Variants in STXBP5L observed in about 807,000 individuals in gnomAD.
STXBP5L encodes syntaxin-binding protein 5-like.
A neutral mutation model predicts 144.5 loss-of-function variants in STXBP5L; 65 were observed. The ratio of observed to expected loss-of-function variants is 0.45; its 90% CI spans 0.37 to 0.55. The LOEUF (loss-of-function observed/expected upper bound fraction) is 0.55. Among genes scored for constraint, STXBP5L ranks in the 20% least tolerant of loss-of-function variants. The probability of loss-of-function intolerance (pLI) is 0.00; values close to 1 mark genes in which losing one functional copy is unlikely to be tolerated. For missense variants in STXBP5L, 1,298 were observed against 1,405.5 expected, an observed-to-expected ratio of 0.92 and a Z score of 1.22; for synonymous variants, 505 against 469.6, an observed-to-expected ratio of 1.08 and a Z score of -0.97.
At chr3:121,122,345 A>G (rs1439766698) in intron 7 of STXBP5L, among the ~76,000 whole-genome samples, 1 of 151,222 alleles carries the variant, frequency 6.6e-6, no homozygotes, top group Non-Finnish European at 1.5e-5. Context: ...CCCAAGGAAT[A>G]AAATTGGATC....
In STXBP5L at chr3:121,094,143, G is replaced by T. The variant is rs1032271603; in HGVS notation, c.471-20782G>T. On this transcript the variant is annotated intron_variant, in intron 5 of 26. Transcript: ENST00000471454. ...TGCACTGTGGTCTGAGAGACAGTTT[G>T]TTATAATTTCTGTTCTTTTACATTT... 9.2e-5 allele frequency among the ~76,000 whole-genome samples: 14 copies of T among 152,200 alleles called. No individual in the cohort carries two copies. The South Asian group carries it at 1.9e-3, about 20-fold the overall frequency.
intron 18 of STXBP5L, among the ~76,000 whole-genome samples, chr3:121,276,574 A>C (rs1247131747): frequency 2.6e-5 from 4 of 151,810 alleles, no homozygotes; most frequent in Admixed American, 1.3e-4. Context: ...GTTTTTTTGC[A>C]AAAATTCTTT....
intron 19 of STXBP5L, among the ~76,000 whole-genome samples, chr3:121,300,407 CTG>C (rs774139533): frequency 6.6e-6 from 1 of 152,086 alleles, no homozygotes; most frequent in Non-Finnish European, 1.5e-5. Flanking sequence ...TCCGTAAACT[CTG>C]TGTTACTCTT....
intron 5 of STXBP5L, among the ~76,000 whole-genome samples, chr3:121,071,083 G>T (rs186376531): frequency 5.3e-5 from 8 of 152,156 alleles, no homozygotes; most frequent in Admixed American, 2.6e-4. Flanking sequence ...TCTGGACCAG[G>T]CTTCTATCAT....
intron 20 of STXBP5L, among the ~76,000 whole-genome samples, chr3:121,326,349 G>C (rs376879172): frequency 6.6e-6 from 1 of 151,834 alleles, no homozygotes; most frequent in Non-Finnish European, 1.5e-5. Context: ...CAGAATGCTT[G>C]CTTTTTTGTT....
intron 5 of STXBP5L, among the ~76,000 whole-genome samples, chr3:121,079,799 G>T (rs2042175692): frequency 1.3e-5 from 2 of 152,194 alleles, no homozygotes; most frequent in Admixed American, 6.5e-5. Flanking sequence ...GTATTATGCA[G>T]TTGTTGGGAA....
intron 22 of STXBP5L, among the ~76,000 whole-genome samples, chr3:121,387,167 A>G (rs1449498514): frequency 1.3e-5 from 2 of 152,018 alleles, no homozygotes; most frequent in African/African-American, 4.8e-5. Context: ...GATGATGAGC[A>G]TTTTTTCATG....
At chr3:121,168,763 C>G (rs1469937343) in intron 9 of STXBP5L, among the ~76,000 whole-genome samples, 1 of 152,168 alleles carries the variant, frequency 6.6e-6, no homozygotes, top group Non-Finnish European at 1.5e-5. Flanking sequence ...CTGGAAAACA[C>G]TCTTCAGGAT....
intron 9 of STXBP5L, among the ~76,000 whole-genome samples, chr3:121,178,638 T>A (rs1577126967): frequency 6.6e-6 from 1 of 152,110 alleles, no homozygotes; most frequent in South Asian, 2.1e-4. Flanking sequence ...TGAATGCACA[T>A]CTCCACTGGG....
chr3:121,401,889 T>A (rs1172864732), intron 22 of STXBP5L, among the ~76,000 whole-genome samples: 3 of 54,616 alleles, frequency 5.5e-5, no homozygotes, highest in East Asian at 7.7e-4. Flanking sequence ...AAACTTAGAG[T>A]ATAATAAAAA....
At position 121,399,983 on chromosome 3, in the gene STXBP5L, G is replaced by A. The variant is rs142809426; in HGVS notation, c.2588-7260G>A. 2.3e-4 allele frequency among the ~76,000 whole-genome samples: 35 copies of A among 152,340 alleles called. No homozygotes were observed. The East Asian group carries it at 6.4e-3, about 28-fold the overall frequency. On this transcript the variant is annotated intron_variant, in intron 22 of 26. Transcript: ENST00000471454. ...ATTCAGTAGGTCTGAGGGAGGGTCT[G>A]AGAATTTGCATTTTTAGCAAGTTCC...
chr3:121,228,464 AG>A (rs2049192245), intron 11 of STXBP5L, among the ~76,000 whole-genome samples: 4 of 152,240 alleles, frequency 2.6e-5, no homozygotes, highest in Non-Finnish European at 4.4e-5. Context: ...CAGAGAAACT[AG>A]GTAGTTCTCA....
chr3:121,250,672 A>G (rs758271718), intron 14 of STXBP5L, 51 bp from the exon 15 acceptor site: 1 of 1,450,496 alleles, frequency 6.9e-7, no homozygotes, highest in East Asian at 2.3e-5. Context: ...TGGAGTGATT[A>G]TGATTTTTAT....
Position 121,135,124 on chromosome 3 carries a change from T to A in STXBP5L, c.669+13420T>A, listed in dbSNP as rs191268061. On this transcript the variant is annotated intron_variant, in intron 7 of 26. Transcript: ENST00000471454. Reference sequence around the variant, plus strand: ...TAACTGGTATGAGATGGTATCTCATTGTGGTTTTGATTTGCATTTCTCTGA... The same window carrying A: ...TAACTGGTATGAGATGGTATCTCATAGTGGTTTTGATTTGCATTTCTCTGA... Among the ~76,000 whole-genome samples, 1,019 of 152,334 alleles carry A rather than the reference T, an allele frequency of 6.7e-3. 4 individuals are homozygous for A. Among genetic ancestry groups the A allele is most frequent in the Non-Finnish European group, 0.011 (770 of 68,028 alleles).
chr3:121,125,019 T>A (rs1395792116), intron 7 of STXBP5L, among the ~76,000 whole-genome samples: 2 of 152,314 alleles, frequency 1.3e-5, no homozygotes, highest in Middle Eastern at 3.4e-3. Flanking sequence ...TATTTCTTAA[T>A]TTGTTAATTT....
intron 3 of STXBP5L, among the ~76,000 whole-genome samples, chr3:121,006,953 C>A (rs1020320194): frequency 6.6e-6 from 1 of 152,110 alleles, no homozygotes; most frequent in Non-Finnish European, 1.5e-5. Flanking sequence ...TTGTGGGTAA[C>A]CCGACCTTTG....
chr3:121,143,466 A>C (rs2045590108), intron 7 of STXBP5L, among the ~76,000 whole-genome samples: 1 of 151,886 alleles, frequency 6.6e-6, no homozygotes, highest in Admixed American at 6.6e-5. Context: ...AGCACGTTAA[A>C]ATAATCATGC....
At chr3:121,355,298 A>G (rs1240342801) in intron 20 of STXBP5L, among the ~76,000 whole-genome samples, 1 of 152,102 alleles carries the variant, frequency 6.6e-6, no homozygotes, top group Non-Finnish European at 1.5e-5. Flanking sequence ...ACTTGGTTCC[A>G]TTCTCCCTAT....
At chr3:121,095,493 TC>T (rs1415680018) in intron 5 of STXBP5L, among the ~76,000 whole-genome samples, 2 of 152,214 alleles carry the variant, frequency 1.3e-5, no homozygotes, top group Non-Finnish European at 2.9e-5. Context: ...TTCTTTTTAC[TC>T]TTTTTTCTCT....
Sources: allele counts gnomAD v4.1 joint callset (sites outside exome capture counted in the v4.1 genomes callset), GRCh38; gene constraint gnomAD v4.1.1; transcripts MANE v1.5; gene names NCBI Gene and HGNC (gene_info 2026-07-23, HGNC 2026-07-21).